The following RSF1 variants were observed in gnomAD, a reference collection of about 807,000 sequenced individuals.
RSF1 encodes remodeling and spacing factor 1.
In RSF1, 13 loss-of-function variants were observed where a neutral mutation model predicts 145.2. The ratio of observed to expected loss-of-function variants is 0.09; its 90% CI spans 0.06 to 0.14. RSF1 has a LOEUF of 0.14. Among genes scored for constraint, RSF1 ranks in the 10% least tolerant of loss-of-function variants. The pLI is 1.00. For synonymous variants in RSF1, 577 were observed against 592.6 expected (o/e 0.97, Z 0.38); for missense variants, 1,517 against 1,718.2 (o/e 0.88, Z 2.07).
chr11:77,812,925 G>C (rs1948744947), intron 1 of RSF1, among the ~76,000 whole-genome samples: 1 of 149,228 alleles, frequency 6.7e-6, no homozygotes, highest in South Asian at 2.1e-4. Context: ...TGTAGTTTCT[G>C]CTTGCTGTGC....
chr11:77,728,002 A>G (rs1961100109), intron 4 of RSF1, among the ~76,000 whole-genome samples: 1 of 152,212 alleles, frequency 6.6e-6, no homozygotes, highest in African/African-American at 2.4e-5. Flanking sequence ...AATTCCCTCA[A>G]ATCACATCCA....
intron 1 of RSF1, among the ~76,000 whole-genome samples, chr11:77,766,639 C>T (rs1035186931): frequency 6.6e-6 from 1 of 151,968 alleles, no homozygotes; most frequent in South Asian, 2.1e-4. Context: ...ACAACAGATG[C>T]AAATAGCTAA....
intron 3 of RSF1, among the ~76,000 whole-genome samples, chr11:77,746,316 G>A (rs1947999805): frequency 6.6e-6 from 1 of 151,874 alleles, no homozygotes; most frequent in South Asian, 2.1e-4. Flanking sequence ...GGCTCCAACA[G>A]CAATCAACAT....
intron 1 of RSF1, among the ~76,000 whole-genome samples, chr11:77,769,056 AATCATATATATATTTTT>A (rs1948255649): frequency 6.6e-6 from 1 of 152,186 alleles, no homozygotes. Flanking sequence ...GTAAAGTATC[AATCATATATATATTTTT>A]TTGAGATGGA....
At chr11:77,720,523 A>G (rs964033305) in intron 5 of RSF1, among the ~76,000 whole-genome samples, 12 of 152,236 alleles carry the variant, frequency 7.9e-5, no homozygotes, top group Non-Finnish European at 1.8e-4. Context: ...AAGGGTATAA[A>G]TGACACCAAA....
the RSF1 span, chr11:77,869,749 G>A: frequency 6.2e-7 from 1 of 1,614,016 alleles, no homozygotes; most frequent in Middle Eastern, 1.6e-4. Flanking sequence ...GCCTGCAGAT[G>A]TGAAGGAAGT....
rs531782779 is a variant in RSF1 at position 77,722,475 on chromosome 11, C to T, written c.733+3070G>A. On this transcript the variant is annotated intron_variant, in intron 5 of 15. Coordinates refer to ENST00000308488, the MANE Select transcript of RSF1 (RefSeq NM_016578.4). ...ATCAGCAGACAGCCAAGACCCACTCCACCAGATTCTGTACTTTAAAAAACT... is the reference window on the plus strand; with the variant it reads ...ATCAGCAGACAGCCAAGACCCACTCTACCAGATTCTGTACTTTAAAAAACT... Among the ~76,000 whole-genome samples, 14 of 152,192 alleles carry T rather than the reference C, an allele frequency of 9.2e-5. No homozygotes were observed. In the East Asian group the frequency reaches 2.5e-3, roughly 27 times the overall value.
At chr11:77,709,375 G>C (rs1960626029) in intron 5 of RSF1, among the ~76,000 whole-genome samples, 2 of 152,086 alleles carry the variant, frequency 1.3e-5, no homozygotes, top group African/African-American at 4.8e-5. Context: ...GACTGCTTTT[G>C]TTCACGGCTA....
Position 77,727,947 on chromosome 11 carries a change from A to G in RSF1, c.579-2248T>C, listed in dbSNP as rs531553788. ...TTTGGGTTTTTCCTATTTTTGAACA[A>G]TTTAAAAAATCCTAAATCTGAGTTA... On this transcript the variant is annotated intron_variant, in intron 4 of 15. Coordinates refer to ENST00000308488, the MANE Select transcript of RSF1 (RefSeq NM_016578.4). Among the ~76,000 whole-genome samples the G allele has an allele frequency of 2.2e-4, 33 of 152,350 alleles. No individual in the cohort carries two copies. The South Asian group carries it at 5.2e-3, about 24-fold the overall frequency.
chr11:77,664,773 A>G lies in RSF1; in HGVS notation c.*2144T>C, dbSNP rs1399148756. On this transcript the variant is annotated 3_prime_UTR_variant, in exon 16 of 16. Transcript: ENST00000308488. ...TAGATGGTTTAAAAGGTTAATTCTT[A>G]GCTGACTTGCAAATAAATAAAACAA... 1.3e-5 allele frequency: 2 copies of G among 152,232 alleles called. No homozygotes were observed. The highest frequency in any genetic ancestry group is 2.9e-5 in the Non-Finnish European group (2 of 68,044). The allele number at this position is 152,232 out of a possible 1,614,324, so 9.4% of individuals were successfully genotyped here.
chr11:77,850,535 A>G, the RSF1 span: 1 of 152,200 alleles, frequency 6.6e-6, no homozygotes, highest in Admixed American at 6.5e-5. Flanking sequence ...GAAAGGGGTC[A>G]AGAATGAAGG....
At chr11:77,811,016 G>A (rs899778570) in intron 1 of RSF1, among the ~76,000 whole-genome samples, 2 of 152,094 alleles carry the variant, frequency 1.3e-5, no homozygotes, top group Non-Finnish European at 2.9e-5. Flanking sequence ...ACAATCCTCC[G>A]AAAGTGCTTG....
intron 2 of RSF1, among the ~76,000 whole-genome samples, chr11:77,756,328 A>AG (rs1948115549): frequency 6.6e-6 from 1 of 150,894 alleles, no homozygotes; most frequent in Non-Finnish European, 1.5e-5. Flanking sequence ...ATTGCACTCC[A>AG]GCTTGGGCAA....
intron 1 of RSF1, among the ~76,000 whole-genome samples, chr11:77,801,934 G>A (rs1270241561): frequency 6.6e-6 from 1 of 151,678 alleles, no homozygotes; most frequent in African/African-American, 2.4e-5. Context: ...GGGAGGCTGA[G>A]GCAGGAGGAC....
intron 5 of RSF1, among the ~76,000 whole-genome samples, chr11:77,724,970 G>A (rs1232714940): frequency 6.6e-6 from 1 of 152,228 alleles, no homozygotes; most frequent in African/African-American, 2.4e-5. Context: ...ACTATGCTAT[G>A]TGAAATAAGC....
chr11:77,758,712 A>C lies in RSF1; in HGVS notation c.279+5886T>G, dbSNP rs529417519. 7.9e-5 allele frequency among the ~76,000 whole-genome samples: 12 copies of C among 152,258 alleles called. No individual in the cohort carries two copies. The South Asian group carries it at 2.5e-3, about 32-fold the overall frequency. The stretch of plus-strand genomic sequence containing the variant: ...GACAAATGATGATGAACTTCTTCTC[A>C]TATGCTTTTTGATCTTTGTGTATCT... On this transcript the variant is annotated intron_variant, in intron 2 of 15. Coordinates refer to ENST00000308488, the MANE Select transcript of RSF1 (RefSeq NM_016578.4).
chr11:77,696,158 C>G (rs1459304781), intron 7 of RSF1, among the ~76,000 whole-genome samples: 2 of 152,104 alleles, frequency 1.3e-5, no homozygotes, highest in Non-Finnish European at 2.9e-5. Flanking sequence ...AAAACATAAC[C>G]TAAATTTCAA....
intron 1 of RSF1, among the ~76,000 whole-genome samples, chr11:77,769,220 G>A (rs888221392): frequency 3.9e-5 from 6 of 151,972 alleles, no homozygotes; most frequent in Non-Finnish European, 7.4e-5. Flanking sequence ...ACCACACCTC[G>A]GCCTCCCAAA....
At chr11:77,851,592 C>A in the RSF1 span, 1 of 151,894 alleles carries the variant, frequency 6.6e-6, no homozygotes, top group South Asian at 2.1e-4. Context: ...GTCATGTGGG[C>A]AGTTCCCTCA....
Sources: allele counts gnomAD v4.1 joint callset (sites outside exome capture counted in the v4.1 genomes callset), GRCh38; gene constraint gnomAD v4.1.1; transcripts MANE v1.5; gene names NCBI Gene and HGNC (gene_info 2026-07-23, HGNC 2026-07-21).